RANBP17: variants seen among roughly 807,000 people sequenced by gnomAD.
RANBP17 encodes ran-binding protein 17.
RANBP17 carries 158 observed loss-of-function variants against 141.2 expected under a neutral mutation model. That is an observed-to-expected ratio of 1.12 (90% CI 0.98 to 1.28). The LOEUF (loss-of-function observed/expected upper bound fraction) is 1.28. Ranked by LOEUF, RANBP17 falls within the 50% of genes most tolerant of loss-of-function variation. The pLI, the probability that RANBP17 is intolerant of heterozygous loss-of-function variation, is 0.00. For missense variants in RANBP17, 1,438 were observed against 1,290.7 expected (o/e 1.11, Z -1.75); for synonymous variants, 430 against 450.0 (o/e 0.96, Z 0.56).
At chr5:171,203,612 A>C (rs1762421176) in intron 19 of RANBP17, among the ~76,000 whole-genome samples, 1 of 152,160 alleles carries the variant, frequency 6.6e-6, no homozygotes, top group African/African-American at 2.4e-5. Flanking sequence ...AAAAAAAGCC[A>C]ATAGATTTGA....
chr5:170,972,175 A>ATTTT (rs5873248), intron 14 of RANBP17, among the ~76,000 whole-genome samples: 2 of 101,344 alleles, frequency 2.0e-5, no homozygotes, highest in East Asian at 3.0e-4. Flanking sequence ...GATCTTTAGG[A>ATTTT]TTTTTTTTTT....
At chr5:171,251,468 G>A (rs1765553446) in intron 24 of RANBP17, among the ~76,000 whole-genome samples, 2 of 150,216 alleles carry the variant, frequency 1.3e-5, no homozygotes, top group African/African-American at 4.9e-5. Flanking sequence ...GAGGAACTTG[G>A]AAACTATACA....
At chr5:171,167,578 C>A (rs1759792019) in intron 14 of RANBP17, among the ~76,000 whole-genome samples, 1 of 152,094 alleles carries the variant, frequency 6.6e-6, no homozygotes, top group East Asian at 1.9e-4. Flanking sequence ...TGTGTACCAT[C>A]AAAGAATTTG....
rs758915622 is a variant in RANBP17, at chr5:170,918,701, C to T, written c.955-12C>T. ...CTTGTTTTTAAGCCTTTCTTTTTGT[C>T]TCATAATTTAGGGTTTGTCTGATCC... On this transcript the variant is annotated splice_polypyrimidine_tract_variant and intron_variant, in intron 9 of 27. Coordinates refer to ENST00000523189, the MANE Select transcript of RANBP17 (RefSeq NM_022897.5). 7 of 1,577,714 alleles carry T rather than the reference C, an allele frequency of 4.4e-6. No homozygotes were observed. The highest frequency in any genetic ancestry group is 1.8e-5 in the Admixed American group (1 of 54,234).
At chr5:170,973,436 G>A (rs4868052) in intron 14 of RANBP17, among the ~76,000 whole-genome samples, 93,069 of 151,936 alleles carry the variant, frequency 0.61, 29,888 homozygotes, top group South Asian at 0.89. Context: ...TCTAAACTCA[G>A]AAGTTGGTAA....
intron 7 of RANBP17, chr5:170,911,451 T>G: frequency 1.5e-6 from 1 of 659,338 alleles, no homozygotes; most frequent in Admixed American, 2.1e-5. Flanking sequence ...TGGGACAGGA[T>G]CCCACTCTGT....
In RANBP17 at chr5:171,007,614, C is replaced by T. The variant is rs554088680; in HGVS notation, c.1710+39237C>T. 1.1e-4 allele frequency among the ~76,000 whole-genome samples: 16 copies of T among 152,034 alleles called. No individual in the cohort carries two copies. In the East Asian group the frequency reaches 2.5e-3, roughly 24 times the overall value. The stretch of plus-strand genomic sequence containing the variant: ...TTGGGAACAGAGACTAGGGAGGGAA[C>T]GAAGTGTGAAAAATGCCTGGACGTA... On this transcript the variant is annotated intron_variant, in intron 14 of 27. Coordinates refer to ENST00000523189, the MANE Select transcript of RANBP17 (RefSeq NM_022897.5).
chr5:170,887,651 C>T (rs1023727149), intron 3 of RANBP17, among the ~76,000 whole-genome samples: 7 of 152,052 alleles, frequency 4.6e-5, no homozygotes, highest in African/African-American at 1.7e-4. Context: ...TTTTTTTATT[C>T]TGTTCTGTTG....
intron 13 of RANBP17, among the ~76,000 whole-genome samples, chr5:170,954,897 C>T (rs1775492718): frequency 6.6e-6 from 1 of 152,122 alleles, no homozygotes; most frequent in African/African-American, 2.4e-5. Flanking sequence ...TGGTCCACAG[C>T]CTGTTAGGAA....
intron 14 of RANBP17, among the ~76,000 whole-genome samples, chr5:171,063,249 T>C (rs1489738802): frequency 6.6e-6 from 1 of 152,164 alleles, no homozygotes; most frequent in Non-Finnish European, 1.5e-5. Context: ...CTTTTTAGAG[T>C]TTCCAGTTTT....
At chr5:171,259,959 C>T (rs1166725926) in intron 24 of RANBP17, among the ~76,000 whole-genome samples, 5 of 149,806 alleles carry the variant, frequency 3.3e-5, no homozygotes, top group Non-Finnish European at 5.9e-5. Flanking sequence ...GCAACCTGGG[C>T]AACAGAGCGA....
At chr5:171,270,071 A>G (rs1766996456) in intron 25 of RANBP17, among the ~76,000 whole-genome samples, 1 of 152,218 alleles carries the variant, frequency 6.6e-6, no homozygotes, top group Non-Finnish European at 1.5e-5. Flanking sequence ...CTTCCGTAGT[A>G]AAGGAAGCAT....
intron 14 of RANBP17, among the ~76,000 whole-genome samples, chr5:171,048,943 T>C (rs1449095057): frequency 6.6e-6 from 1 of 152,190 alleles, no homozygotes; most frequent in Non-Finnish European, 1.5e-5. Flanking sequence ...GTGAACATAC[T>C]TGTGCATGTG....
In RANBP17 at chr5:171,299,097, A is replaced by G; in HGVS notation, c.*239A>G. The G allele has an allele frequency of 2.4e-6, 1 of 410,566 alleles. No individual in the cohort carries two copies. Among genetic ancestry groups the G allele is most frequent in the Non-Finnish European group, 4.4e-6 (1 of 226,694 alleles). 25.4% of individuals were successfully genotyped at this position (410,566 alleles called of 1,614,324 possible). ...TGTGTTTTCAGTCTTTCTATCAAATATTATCTTTGTTCTCCTAATGCTCTG... is the reference window on the plus strand; with the variant it reads ...TGTGTTTTCAGTCTTTCTATCAAATGTTATCTTTGTTCTCCTAATGCTCTG... On this transcript the variant is annotated 3_prime_UTR_variant, in exon 28 of 28. Transcript: ENST00000523189.
At chr5:171,009,493 T>G (rs867623645) in intron 14 of RANBP17, among the ~76,000 whole-genome samples, 1 of 152,116 alleles carries the variant, frequency 6.6e-6, no homozygotes, top group Non-Finnish European at 1.5e-5. Flanking sequence ...TTGTACACTT[T>G]TGTGAGGTTT....
intron 12 of RANBP17, among the ~76,000 whole-genome samples, chr5:170,932,889 C>G (rs375152507): frequency 6.6e-6 from 1 of 152,210 alleles, no homozygotes; most frequent in Non-Finnish European, 1.5e-5. Context: ...TGTTGTGTCT[C>G]TACCAGGCTT....
At chr5:170,924,911 A>G (rs1772793172) in intron 12 of RANBP17, 2 of 159,962 alleles carry the variant, frequency 1.3e-5, no homozygotes, top group Non-Finnish European at 1.4e-5. Context: ...AATAAAAAGT[A>G]TATAATATAT....
intron 14 of RANBP17, among the ~76,000 whole-genome samples, chr5:171,098,086 G>A (rs1786834590): frequency 6.6e-6 from 1 of 151,986 alleles, no homozygotes; most frequent in Non-Finnish European, 1.5e-5. Context: ...GAATAGTGCT[G>A]CAATAAACAT....
chr5:171,153,518 A>C (rs1036204773), intron 14 of RANBP17, among the ~76,000 whole-genome samples: 1 of 152,192 alleles, frequency 6.6e-6, no homozygotes, highest in Non-Finnish European at 1.5e-5. Flanking sequence ...ATCATTGTTC[A>C]ATGTAATGAG....
Sources: gnomAD v4.1 joint callset for allele counts (sites outside exome capture counted in the v4.1 genomes callset) on GRCh38, gnomAD v4.1.1 for gene constraint, MANE v1.5 for transcripts, NCBI Gene and HGNC (gene_info 2026-07-23, HGNC 2026-07-21) for gene names.